Variants in AGPAT4 observed in about 807,000 individuals in gnomAD.
The protein encoded by AGPAT4 is 1-acylglycerol-3-phosphate O-acyltransferase 4, also known as 1-acyl-sn-glycerol-3-phosphate acyltransferase delta.
Under a neutral mutation model 48.0 loss-of-function variants are expected in AGPAT4, and 15 were observed. That is an observed-to-expected ratio of 0.31 (90% CI 0.21 to 0.48). The LOEUF is 0.48. Ranked by LOEUF, AGPAT4 falls within the 20% of genes least tolerant of loss-of-function variation. AGPAT4 has a pLI of 0.99. For synonymous variants in AGPAT4, 178 were observed against 198.7 expected (o/e 0.90, Z 0.88); for missense variants, 314 against 482.5 (o/e 0.65, Z 3.27).
rs902383244 is a variant in AGPAT4 at position 161,178,617 on chromosome 6, C to T, written c.179-12200G>A. On this transcript the variant is annotated intron_variant, in intron 2 of 8. Transcript: ENST00000320285. This position sits in a 1 kb window ranked among gnomAD's most constrained non-coding sequence, Gnocchi z 5.1. Reference sequence around the variant, plus strand: ...GCCCCACCCTGCTTCAGCTCACACTCGCGTGGGCTGCACCCACTGTCCGAC... The same window carrying T: ...GCCCCACCCTGCTTCAGCTCACACTTGCGTGGGCTGCACCCACTGTCCGAC... Among the ~76,000 whole-genome samples the T allele has an allele frequency of 6.6e-6, 1 of 152,128 alleles. No individual in the cohort carries two copies. The highest frequency in any genetic ancestry group is 2.4e-5 in the African/African-American group (1 of 41,444).
rs1368081683 is a variant in AGPAT4, at chr6:161,244,418, A to AAGTT, written c.-89-12120_-89-12117dup. ...AAAAACAAATAATAAAAAGCCTTTA[A>AAGTT]AGTTAAGGTTTATGGCGAAATTTAA... On this transcript the variant is annotated intron_variant, in intron 1 of 8. Coordinates refer to ENST00000320285, the MANE Select transcript of AGPAT4 (RefSeq NM_020133.3). The surrounding 1 kb of genome is among the most constrained non-coding windows in gnomAD (Gnocchi z 4.7). Among the ~76,000 whole-genome samples the AAGTT allele has an allele frequency of 5.9e-5, 9 of 152,208 alleles. No individual in the cohort carries two copies. The highest frequency in any genetic ancestry group is 5.2e-4 in the Admixed American group (8 of 15,278).
At chr6:161,211,850 C>T (rs1781530365) in intron 2 of AGPAT4, among the ~76,000 whole-genome samples, 1 of 151,994 alleles carries the variant, frequency 6.6e-6, no homozygotes, top group Non-Finnish European at 1.5e-5. Flanking sequence ...CAATTAAAGC[C>T]CCATCTTCAG....
At position 161,138,579 on chromosome 6, in the gene AGPAT4, G is replaced by A. The variant is rs1020425247; in HGVS notation, c.1042+843C>T. On this transcript the variant is annotated intron_variant, in intron 8 of 8. Coordinates refer to ENST00000320285, the MANE Select transcript of AGPAT4 (RefSeq NM_020133.3). The surrounding 1 kb of genome is among the most constrained non-coding windows in gnomAD (Gnocchi z 4.8). The stretch of plus-strand genomic sequence containing the variant: ...TCTCCTGACACACTTTCCATTTTCT[G>A]CGCTTGTCTATTGCTTGGGCCTTTT... Among the ~76,000 whole-genome samples the A allele has an allele frequency of 3.9e-5, 6 of 152,148 alleles. No homozygotes were observed. Among genetic ancestry groups the A allele is most frequent in the Admixed American group, 2.0e-4 (3 of 15,268 alleles).
intron 2 of AGPAT4, among the ~76,000 whole-genome samples, chr6:161,187,511 T>TTATG (rs1780803370): frequency 1.6e-5 from 1 of 62,632 alleles, no homozygotes; most frequent in African/African-American, 3.4e-5. Flanking sequence ...GCCCATTTAT[T>TTATG]TATTTATTTA....
chr6:161,203,216 G>C (rs1781281633), intron 2 of AGPAT4, among the ~76,000 whole-genome samples: 1 of 151,980 alleles, frequency 6.6e-6, no homozygotes, highest in African/African-American at 2.4e-5. Context: ...TTAGGTTGTC[G>C]GATTGTAAGT....
Position 161,229,265 on chromosome 6 carries a change from C to T in AGPAT4, c.178+2771G>A, listed in dbSNP as rs1168914102. ...TTTCCTTAGAAAATCAGCTGCAAAT[C>T]ATGAATGCTGATGACTGTCTAAGCT... On this transcript the variant is annotated intron_variant, in intron 2 of 8. Transcript: ENST00000320285. This position sits in a 1 kb window ranked among gnomAD's most constrained non-coding sequence, Gnocchi z 6.0. Among the ~76,000 whole-genome samples the T allele has an allele frequency of 6.6e-6, 1 of 152,080 alleles. No homozygotes were observed. Among genetic ancestry groups the T allele is most frequent in the Non-Finnish European group, 1.5e-5 (1 of 68,018 alleles).
intron 1 of AGPAT4, among the ~76,000 whole-genome samples, chr6:161,252,305 G>A (rs909014748): frequency 6.6e-6 from 1 of 152,134 alleles, no homozygotes; most frequent in African/African-American, 2.4e-5. Context: ...GTAAATAAAA[G>A]TTTCACGTTG....
Position 161,141,382 on chromosome 6 carries a change from G to A in AGPAT4, c.844-1762C>T, listed in dbSNP as rs1562309793. On this transcript the variant is annotated intron_variant, in intron 7 of 8. Transcript: ENST00000320285. This position sits in a 1 kb window ranked among gnomAD's most constrained non-coding sequence, Gnocchi z 6.7. ...ACTCCTACCCTCAAGCAGTGAGAGC[G>A]ATCAGATGGTGGAGGAGACAAGGAG... Among the ~76,000 whole-genome samples, 2 of 152,056 alleles carry A rather than the reference G, an allele frequency of 1.3e-5. No homozygotes were observed. Among genetic ancestry groups the A allele is most frequent in the Non-Finnish European group, 2.9e-5 (2 of 68,028 alleles).
rs530723823 is a variant in AGPAT4, at chr6:161,140,449, G to A, written c.844-829C>T. Among the ~76,000 whole-genome samples the A allele has an allele frequency of 2.0e-4, 30 of 152,338 alleles. No homozygotes were observed. The highest frequency in any genetic ancestry group is 6.5e-4 in the African/African-American group (27 of 41,584). ...GGCAGTTACTCCAGAGCCTCATGGC[G>A]CTCCTTGCAGTCCCTGGGTGAGAAC... On this transcript the variant is annotated intron_variant, in intron 7 of 8. Transcript: ENST00000320285. This position sits in a 1 kb window ranked among gnomAD's most constrained non-coding sequence, Gnocchi z 6.5.
chr6:161,259,467 G>T lies in AGPAT4; in HGVS notation c.-90+14471C>A, dbSNP rs542358333. ...AGAGCCACCCGGTCTTTTGCAGGGC[G>T]GTCTGGAGTTGGTTGAGTCTAGAGT... On this transcript the variant is annotated intron_variant, in intron 1 of 8. Coordinates refer to ENST00000320285, the MANE Select transcript of AGPAT4 (RefSeq NM_020133.3). The surrounding 1 kb of genome is among the most constrained non-coding windows in gnomAD (Gnocchi z 4.9). Among the ~76,000 whole-genome samples the T allele has an allele frequency of 6.6e-6, 1 of 152,050 alleles. No individual in the cohort carries two copies. The highest frequency in any genetic ancestry group is 2.1e-4 in the South Asian group (1 of 4,804).
At chr6:161,260,045 G>A (rs899451590) in intron 1 of AGPAT4, among the ~76,000 whole-genome samples, 1 of 152,126 alleles carries the variant, frequency 6.6e-6, no homozygotes, top group Non-Finnish European at 1.5e-5. Flanking sequence ...AACAAGCCAA[G>A]AACAGCATGT....
chr6:161,265,174 AC>A (rs1783215721), intron 1 of AGPAT4, among the ~76,000 whole-genome samples: 1 of 127,242 alleles, frequency 7.9e-6, no homozygotes, highest in African/African-American at 3.2e-5. Flanking sequence ...GCTGATTAGT[AC>A]CCACCGCTGG....
At chr6:161,151,860 C>T (rs1779600396) in intron 5 of AGPAT4, among the ~76,000 whole-genome samples, 1 of 152,148 alleles carries the variant, frequency 6.6e-6, no homozygotes, top group South Asian at 2.1e-4. Context: ...TGGGGGCATC[C>T]TTGGCCCTGG....
intron 1 of AGPAT4, among the ~76,000 whole-genome samples, chr6:161,247,170 T>C (rs1397120783): frequency 6.6e-6 from 1 of 152,230 alleles, no homozygotes; most frequent in Non-Finnish European, 1.5e-5. Flanking sequence ...CAGATGTCGG[T>C]TGAGGAACAC....
At chr6:161,168,148 C>G in intron 2 of AGPAT4, among the ~76,000 whole-genome samples, 1 of 151,302 alleles carries the variant, frequency 6.6e-6, no homozygotes, top group African/African-American at 2.5e-5. Context: ...GCTAGGGTAA[C>G]AACATGCAGC....
In AGPAT4 at chr6:161,220,525, C is replaced by T. The variant is rs1283718539; in HGVS notation, c.178+11511G>A. Among the ~76,000 whole-genome samples the T allele has an allele frequency of 6.6e-6, 1 of 152,112 alleles. No individual in the cohort carries two copies. Among genetic ancestry groups the T allele is most frequent in the African/African-American group, 2.4e-5 (1 of 41,408 alleles). On this transcript the variant is annotated intron_variant, in intron 2 of 8. Transcript: ENST00000320285. This position sits in a 1 kb window ranked among gnomAD's most constrained non-coding sequence, Gnocchi z 6.0. ...GGTGAGATGACTTCATTTTATAGTT[C>T]CTCAAGCAGAGCAAGTAGAGGAACC...
chr6:161,248,109 G>A (rs1346064491), intron 1 of AGPAT4, among the ~76,000 whole-genome samples: 1 of 151,412 alleles, frequency 6.6e-6, no homozygotes, highest in Admixed American at 6.6e-5. Flanking sequence ...GGATCCTACA[G>A]CTAGAAAACC....
At position 161,229,998 on chromosome 6, in the gene AGPAT4, C is replaced by T. The variant is rs1403110017; in HGVS notation, c.178+2038G>A. 6.6e-6 allele frequency among the ~76,000 whole-genome samples: 1 copy of T among 152,166 alleles called. No homozygotes were observed. Among genetic ancestry groups the T allele is most frequent in the Non-Finnish European group, 1.5e-5 (1 of 68,028 alleles). Reference sequence around the variant, plus strand: ...CACCCGGCATTGAGATGCCAGTTGTCTTAGATGGTTAATTCTTGAGTTTCA... The same window carrying T: ...CACCCGGCATTGAGATGCCAGTTGTTTTAGATGGTTAATTCTTGAGTTTCA... On this transcript the variant is annotated intron_variant, in intron 2 of 8. Transcript: ENST00000320285. This position sits in a 1 kb window ranked among gnomAD's most constrained non-coding sequence, Gnocchi z 6.0.
rs1322990277 is a variant in AGPAT4 at position 161,154,919 on chromosome 6, C to G, written c.349-609G>C. On this transcript the variant is annotated intron_variant, in intron 3 of 8. Coordinates refer to ENST00000320285, the MANE Select transcript of AGPAT4 (RefSeq NM_020133.3). This position sits in a 1 kb window ranked among gnomAD's most constrained non-coding sequence, Gnocchi z 7.8. ...CTCTGCAGTTGAGGCAAACAGGAGT[C>G]TCCGCTCACAGAGCAGGCTGCGGAG... Among the ~76,000 whole-genome samples the G allele has an allele frequency of 6.6e-6, 1 of 152,224 alleles. No individual in the cohort carries two copies. Among genetic ancestry groups the G allele is most frequent in the Non-Finnish European group, 1.5e-5 (1 of 68,044 alleles).
Sources: allele counts gnomAD v4.1 joint callset (sites outside exome capture counted in the v4.1 genomes callset), GRCh38; gene constraint gnomAD v4.1.1; non-coding constraint Gnocchi (gnomAD v3.1); transcripts MANE v1.5; gene names NCBI Gene and HGNC (gene_info 2026-07-23, HGNC 2026-07-21).